NARS2: variants seen among roughly 807,000 people sequenced by gnomAD.
NARS2 encodes the protein asparaginyl-tRNA synthetase.
A neutral mutation model predicts 62.9 loss-of-function variants in NARS2; 60 were observed. That is an observed-to-expected ratio of 0.95 (90% confidence interval 0.77 to 1.18). The LOEUF (loss-of-function observed/expected upper bound fraction) is 1.18. Ranked by LOEUF, NARS2 falls within the 50% of genes most tolerant of loss-of-function variation. The pLI, the probability that NARS2 is intolerant of heterozygous loss-of-function variation, is 0.00. For missense variants in NARS2, 619 were observed against 576.4 expected (o/e 1.07, Z -0.76); for synonymous variants, 196 against 200.0 (o/e 0.98, Z 0.17).
At chr11:78,572,225 T>A (rs766522116) in intron 1 of NARS2, among the ~76,000 whole-genome samples, 2 of 152,190 alleles carry the variant, frequency 1.3e-5, no homozygotes, top group Non-Finnish European at 2.9e-5. Context: ...AACGACTACT[T>A]TCTTACTTTC....
At chr11:78,504,036 A>T (rs7950813) in intron 6 of NARS2, among the ~76,000 whole-genome samples, 104,539 of 152,074 alleles carry the variant, frequency 0.69, 37,632 homozygotes, top group Non-Finnish European at 0.81. Flanking sequence ...AACCCTCCAC[A>T]GCTATATAGG....
chr11:78,543,080 A>C (rs1022867248), intron 5 of NARS2, among the ~76,000 whole-genome samples: 1 of 152,178 alleles, frequency 6.6e-6, no homozygotes, highest in Non-Finnish European at 1.5e-5. Context: ...AGGGAGGCTG[A>C]GGCACAAGAA....
chr11:78,562,517 C>A (rs142605879), intron 4 of NARS2, among the ~76,000 whole-genome samples: 1 of 152,298 alleles, frequency 6.6e-6, no homozygotes, highest in Non-Finnish European at 1.5e-5. Context: ...CTGATACTCA[C>A]AGGAAGAACC....
At chr11:78,534,402 C>T (rs1861592128) in intron 5 of NARS2, among the ~76,000 whole-genome samples, 1 of 152,156 alleles carries the variant, frequency 6.6e-6, no homozygotes, top group Non-Finnish European at 1.5e-5. Context: ...TACACTACTA[C>T]CTTCAGCCAT....
intron 5 of NARS2, among the ~76,000 whole-genome samples, chr11:78,545,941 G>A (rs918991014): frequency 4.6e-5 from 7 of 151,890 alleles, no homozygotes; most frequent in East Asian, 1.9e-4. Flanking sequence ...ATTTTTCTTC[G>A]CAATACAAAT....
At chr11:78,474,929 G>T (rs1223197367) in intron 9 of NARS2, among the ~76,000 whole-genome samples, 1 of 151,350 alleles carries the variant, frequency 6.6e-6, no homozygotes, top group East Asian at 1.9e-4. Context: ...TTTGCAGTGA[G>T]AAGATTTAAA....
chr11:78,552,434 A>G (rs1015005845), intron 5 of NARS2, among the ~76,000 whole-genome samples: 1 of 152,146 alleles, frequency 6.6e-6, no homozygotes, highest in African/African-American at 2.4e-5. Flanking sequence ...TGCTATTGTG[A>G]ACAGTGAGGC....
At chr11:78,563,776 AG>A (rs1856631476) in intron 4 of NARS2, among the ~76,000 whole-genome samples, 4 of 127,668 alleles carry the variant, frequency 3.1e-5, no homozygotes, top group African/African-American at 1.2e-4. Context: ...GGTTGCAGTG[AG>A]CCAAGATCAT....
intron 11 of NARS2, among the ~76,000 whole-genome samples, chr11:78,447,711 C>T (rs940270417): frequency 6.6e-6 from 1 of 151,986 alleles, no homozygotes; most frequent in Non-Finnish European, 1.5e-5. Flanking sequence ...ATGGATGAAT[C>T]CAGAGGATAA....
intron 11 of NARS2, among the ~76,000 whole-genome samples, chr11:78,448,590 T>C (rs1416563577): frequency 6.6e-6 from 1 of 152,138 alleles, no homozygotes; most frequent in Non-Finnish European, 1.5e-5. Flanking sequence ...GGATTACAGA[T>C]GTGAACCACT....
chr11:78,568,101 T>A (rs1856803029), intron 3 of NARS2, among the ~76,000 whole-genome samples: 1 of 152,234 alleles, frequency 6.6e-6, no homozygotes, highest in East Asian at 1.9e-4. Context: ...ACAATACTAC[T>A]GATCGGCATC....
intron 6 of NARS2, among the ~76,000 whole-genome samples, chr11:78,521,789 C>CAAAAAAAAAAA (rs58282524): frequency 2.1e-5 from 2 of 96,390 alleles, no homozygotes; most frequent in African/African-American, 9.4e-5. Flanking sequence ...GACTCCGTCT[C>CAAAAAAAAAAA]AAAAAAAAAA....
At chr11:78,509,346 G>A (rs1860628446) in intron 6 of NARS2, among the ~76,000 whole-genome samples, 1 of 151,734 alleles carries the variant, frequency 6.6e-6, no homozygotes, top group South Asian at 2.1e-4. Context: ...GGTCCTGCCG[G>A]GTGAAATGAA....
rs1165531930 is a variant in NARS2 at position 78,509,840 on chromosome 11, AAAG to A, written c.690-16648_690-16646del. ...AGACTCTGTCTCAAAAAAAAAAAAA[AAAG>A]AAAAGAAAAGAAAAGAAAAGAAAGT... On this transcript the variant is annotated intron_variant, in intron 6 of 13. Coordinates refer to ENST00000281038, the MANE Select transcript of NARS2 (RefSeq NM_024678.6). Among the ~76,000 whole-genome samples, 524 of 148,376 alleles carry A rather than the reference AAAG, an allele frequency of 3.5e-3. 1 individual carries two copies. The highest frequency in any genetic ancestry group is 5.6e-3 in the Non-Finnish European group (374 of 67,042).
intron 6 of NARS2, among the ~76,000 whole-genome samples, chr11:78,520,030 A>G (rs1861057308): frequency 6.6e-6 from 1 of 152,080 alleles, no homozygotes; most frequent in South Asian, 2.1e-4. Context: ...TATATTTATA[A>G]AAACAGCTAA....
chr11:78,461,783 CAAAAAAAA>C (rs56753439), intron 11 of NARS2, among the ~76,000 whole-genome samples: 2 of 93,100 alleles, frequency 2.1e-5, no homozygotes, highest in African/African-American at 7.1e-5. Context: ...GTACCCACTA[CAAAAAAAA>C]AAAAAAAAAA....
At chr11:78,459,104 G>A (rs1329992209) in intron 11 of NARS2, among the ~76,000 whole-genome samples, 4 of 151,816 alleles carry the variant, frequency 2.6e-5, no homozygotes, top group Non-Finnish European at 5.9e-5. Flanking sequence ...TAGTAAAGAC[G>A]GGGTTTCACC....
intron 7 of NARS2, among the ~76,000 whole-genome samples, chr11:78,481,428 T>C (rs983618294): frequency 3.3e-5 from 5 of 152,054 alleles, no homozygotes; most frequent in Admixed American, 6.5e-5. Context: ...CTAATACACA[T>C]TGGGAGGAAT....
chr11:78,465,434 G>A (rs1002429522), intron 11 of NARS2, among the ~76,000 whole-genome samples: 6 of 152,272 alleles, frequency 3.9e-5, no homozygotes, highest in Non-Finnish European at 5.9e-5. Flanking sequence ...GCGAGAGAGG[G>A]CTGTGAGGGC....
Sources: allele counts gnomAD v4.1 joint callset (sites outside exome capture counted in the v4.1 genomes callset), GRCh38; gene constraint gnomAD v4.1.1; transcripts MANE v1.5; gene names NCBI Gene and HGNC (gene_info 2026-07-23, HGNC 2026-07-21).